SNX29: variants seen among roughly 807,000 people sequenced by gnomAD.
SNX29 encodes the protein sorting nexin 29, also known as sorting nexin-29.
A neutral mutation model predicts 102.1 loss-of-function variants in SNX29; 78 were observed. That is an observed-to-expected ratio of 0.76 (90% CI 0.64 to 0.92). SNX29 has a LOEUF of 0.92. Among genes scored for constraint, SNX29 ranks in the 40% least tolerant of loss-of-function variants. SNX29 has a pLI of 0.00. For missense variants in SNX29, 1,280 were observed against 1,061.7 expected (o/e 1.21, Z -2.86); for synonymous variants, 580 against 414.5 (o/e 1.40, Z -4.85).
At chr16:12,286,542 T>A (rs2151043995) in intron 15 of SNX29, among the ~76,000 whole-genome samples, 1 of 151,822 alleles carries the variant, frequency 6.6e-6, no homozygotes, top group African/African-American at 2.4e-5. Flanking sequence ...AGATGGGGTT[T>A]CACCGTGTAA....
At chr16:12,552,122 G>A (rs7188027) in intron 20 of SNX29, among the ~76,000 whole-genome samples, 6,364 of 152,258 alleles carry the variant, frequency 0.042, 211 homozygotes, top group East Asian at 0.1. Flanking sequence ...TGGCTGATAC[G>A]GAAATGCCTG....
intron 11 of SNX29, chr16:12,087,779 C>A: frequency 2.2e-6 from 1 of 446,866 alleles, no homozygotes; most frequent in South Asian, 1.6e-5. Context: ...AGTCACACAG[C>A]CAAACTTCTG....
chr16:12,562,441 A>C (rs959677406), intron 20 of SNX29, among the ~76,000 whole-genome samples: 8 of 152,334 alleles, frequency 5.3e-5, no homozygotes, highest in South Asian at 4.1e-4. Flanking sequence ...ACAGCTTGCT[A>C]GTTTGACTTT....
chr16:12,057,563 A>T (rs74008654), intron 8 of SNX29, among the ~76,000 whole-genome samples: 1,882 of 152,230 alleles, frequency 0.012, 43 homozygotes, highest in African/African-American at 0.044. Flanking sequence ...CAGCCCAGAG[A>T]ACATACCCTC....
At chr16:12,373,044 A>C (rs906852213) in intron 16 of SNX29, 5 of 152,234 alleles carry the variant, frequency 3.3e-5, no homozygotes, top group African/African-American at 1.2e-4. Flanking sequence ...CAATATCCCC[A>C]AGTCTCCATG....
rs376933264 is a variant in SNX29 at position 12,567,410 on chromosome 16, G to A, written c.2319-1096G>A. Among the ~76,000 whole-genome samples, 364 of 152,334 alleles carry A rather than the reference G, an allele frequency of 2.4e-3. 1 individual carries two copies. The highest frequency in any genetic ancestry group is 0.017 in the Middle Eastern group (5 of 294). On this transcript the variant is annotated intron_variant, in intron 20 of 20. Coordinates refer to ENST00000566228, the MANE Select transcript of SNX29 (RefSeq NM_032167.5). ...GAGGTATTTACTTCCTATTCAAATA[G>A]CGTATAGTAGGCAGAGTAAGAACAT...
At chr16:12,540,059 C>T (rs866742064) in intron 20 of SNX29, among the ~76,000 whole-genome samples, 5 of 152,162 alleles carry the variant, frequency 3.3e-5, no homozygotes, top group Admixed American at 6.5e-5. Context: ...TGTCCCAGAT[C>T]ATGCTTTTGG....
rs141611551 is a variant in SNX29, at chr16:12,330,773, T to C, written c.1783-25390T>C. ...AAATCACTTCAGATATTTTTAGGCC[T>C]GGATTCTATTTGGTCACTCAGCAGC... On this transcript the variant is annotated intron_variant, in intron 15 of 20. Transcript: ENST00000566228. Among the ~76,000 whole-genome samples the C allele has an allele frequency of 2.3e-3, 348 of 152,304 alleles. 5 individuals carry two copies. In the East Asian group the frequency reaches 0.049, roughly 22 times the overall value.
intron 13 of SNX29, among the ~76,000 whole-genome samples, chr16:12,155,671 T>G (rs562170802): frequency 6.6e-6 from 1 of 152,230 alleles, no homozygotes; most frequent in African/African-American, 2.4e-5. Flanking sequence ...GGTGGTGGCA[T>G]GCCGAGATGG....
chr16:12,556,820 C>G (rs1393377070), intron 20 of SNX29, among the ~76,000 whole-genome samples: 2 of 151,944 alleles, frequency 1.3e-5, no homozygotes, highest in Non-Finnish European at 2.9e-5. Flanking sequence ...TACAGAAGCC[C>G]AGAGGAGGAA....
chr16:12,305,933 A>G (rs982505515), intron 15 of SNX29, among the ~76,000 whole-genome samples: 7 of 152,102 alleles, frequency 4.6e-5, no homozygotes, highest in African/African-American at 1.7e-4. Context: ...TTCTATTTCA[A>G]CAAACTGCAA....
At chr16:12,017,071 G>T (rs1315413867) in intron 3 of SNX29, among the ~76,000 whole-genome samples, 1 of 152,202 alleles carries the variant, frequency 6.6e-6, no homozygotes, top group Non-Finnish European at 1.5e-5. Flanking sequence ...CGAGACTGCG[G>T]TGAGCCATGA....
chr16:12,457,790 A>G (rs951908017), intron 18 of SNX29, among the ~76,000 whole-genome samples: 1 of 152,188 alleles, frequency 6.6e-6, no homozygotes, highest in Admixed American at 6.5e-5. Flanking sequence ...ATGCTATCTT[A>G]CGGGCATTGT....
intron 20 of SNX29, among the ~76,000 whole-genome samples, chr16:12,559,914 G>C (rs1325935981): frequency 6.6e-6 from 1 of 152,266 alleles, no homozygotes; most frequent in South Asian, 2.1e-4. Flanking sequence ...AGGAGGTGGA[G>C]CTTGCAGTGA....
At chr16:12,499,512 A>G (rs1280273456) in intron 19 of SNX29, among the ~76,000 whole-genome samples, 2 of 152,232 alleles carry the variant, frequency 1.3e-5, no homozygotes, top group Admixed American at 1.3e-4. Flanking sequence ...TGCACTGGTC[A>G]GCACCAAAGA....
At chr16:12,489,904 C>T (rs1027636021) in intron 19 of SNX29, among the ~76,000 whole-genome samples, 5 of 152,132 alleles carry the variant, frequency 3.3e-5, no homozygotes, top group Non-Finnish European at 5.9e-5. Flanking sequence ...CTCCTGGGTT[C>T]AAACAATTCT....
At chr16:12,523,866 A>G (rs1275427413) in intron 19 of SNX29, among the ~76,000 whole-genome samples, 1 of 152,058 alleles carries the variant, frequency 6.6e-6, no homozygotes, top group South Asian at 2.1e-4. Context: ...GGGTGGGGCC[A>G]TGCTACCATG....
In SNX29 at chr16:12,016,057, A is replaced by G. The variant is rs530865975; in HGVS notation, c.123-11263A>G. Reference sequence around the variant, plus strand: ...TTTTTGTGTTTTTATTAGAGACGGGATTTCACCATGTTGGCCAGGCTGGTC... The same window carrying G: ...TTTTTGTGTTTTTATTAGAGACGGGGTTTCACCATGTTGGCCAGGCTGGTC... On this transcript the variant is annotated intron_variant, in intron 3 of 20. Coordinates refer to ENST00000566228, the MANE Select transcript of SNX29 (RefSeq NM_032167.5). 2.9e-4 allele frequency among the ~76,000 whole-genome samples: 43 copies of G among 148,026 alleles called. No individual in the cohort carries two copies. In the South Asian group the frequency reaches 3.2e-3, roughly 11 times the overall value.
At chr16:12,566,848 T>C (rs941461745) in intron 20 of SNX29, among the ~76,000 whole-genome samples, 3 of 152,212 alleles carry the variant, frequency 2.0e-5, no homozygotes, top group African/African-American at 4.8e-5. Context: ...CAAATGTTTC[T>C]TTTTCATCCA....
Sources: allele counts gnomAD v4.1 joint callset (sites outside exome capture counted in the v4.1 genomes callset), GRCh38; gene constraint gnomAD v4.1.1; transcripts MANE v1.5; gene names NCBI Gene and HGNC (gene_info 2026-07-23, HGNC 2026-07-21).